Variants in HOMER2 observed in about 807,000 individuals in gnomAD.
HOMER2 encodes homer scaffold protein 2, also known as homer protein homolog 2.
HOMER2 carries 27 observed loss-of-function variants against 47.0 expected under a neutral mutation model. That is an observed-to-expected ratio of 0.57 (90% CI 0.42 to 0.79). The LOEUF (loss-of-function observed/expected upper bound fraction) is 0.79. HOMER2 is among the 30% of genes least tolerant of loss of function. The pLI is 0.00. For synonymous variants in HOMER2, 161 were observed against 163.8 expected, an observed-to-expected ratio of 0.98 and a Z score of 0.13; for missense variants, 443 against 435.0, an observed-to-expected ratio of 1.02 and a Z score of -0.16.
At chr15:82,901,241 A>G (rs2053105889) in intron 1 of HOMER2, among the ~76,000 whole-genome samples, 1 of 152,202 alleles carries the variant, frequency 6.6e-6, no homozygotes, top group African/African-American at 2.4e-5. Flanking sequence ...CTGGACAGCC[A>G]GGAGGGAGAC....
chr15:82,932,961 G>C (rs2054052657), intron 1 of HOMER2, among the ~76,000 whole-genome samples: 1 of 152,042 alleles, frequency 6.6e-6, no homozygotes, highest in Non-Finnish European at 1.5e-5. Flanking sequence ...CATAGAGCAA[G>C]CTCCCCACCA....
chr15:82,927,973 C>CA (rs928406358), intron 1 of HOMER2, among the ~76,000 whole-genome samples: 2,088 of 56,846 alleles, frequency 0.037, 41 homozygotes, highest in African/African-American at 0.064. Flanking sequence ...AACTCCGTCT[C>CA]AAAAAAAAAA....
chr15:82,944,277 T>C (rs1277637972), intron 1 of HOMER2, among the ~76,000 whole-genome samples: 1 of 152,160 alleles, frequency 6.6e-6, no homozygotes, highest in Non-Finnish European at 1.5e-5. Flanking sequence ...GGAAACTGGA[T>C]CATGATGCCA....
At chr15:82,893,067 C>T (rs1452506308) in intron 1 of HOMER2, among the ~76,000 whole-genome samples, 1 of 152,150 alleles carries the variant, frequency 6.6e-6, no homozygotes, top group Non-Finnish European at 1.5e-5. Context: ...GACTGCAGGG[C>T]AATTGGTGTA....
intron 2 of HOMER2, among the ~76,000 whole-genome samples, chr15:82,877,759 T>C (rs1270693858): frequency 6.6e-6 from 1 of 152,186 alleles, no homozygotes; most frequent in Non-Finnish European, 1.5e-5. Flanking sequence ...TTTTACCAAA[T>C]GTTTTCCATC....
chr15:82,973,897 C>G lies in HOMER2; in HGVS notation n.82+11890G>C, dbSNP rs568490254. ...CGTGGTCAACATGCTGAAACACTGTCTCTACTAAAAATACAAAAATTAGCC... is the reference window on the plus strand; with the variant it reads ...CGTGGTCAACATGCTGAAACACTGTGTCTACTAAAAATACAAAAATTAGCC... On this transcript the variant is annotated intron_variant and non_coding_transcript_variant, in intron 1 of 1. Transcript: ENST00000500334. 5.9e-5 allele frequency among the ~76,000 whole-genome samples: 9 copies of G among 152,184 alleles called. 1 individual carries two copies. The South Asian group carries it at 1.7e-3, about 28-fold the overall frequency.
chr15:82,864,689 T>G lies in HOMER2; in HGVS notation c.295-430A>C, dbSNP rs981992810. Among the ~76,000 whole-genome samples the G allele has an allele frequency of 7.9e-5, 12 of 152,184 alleles. 1 individual carries two copies. The highest frequency in any genetic ancestry group is 7.2e-4 in the Admixed American group (11 of 15,276). On this transcript the variant is annotated intron_variant, in intron 3 of 8. Coordinates refer to ENST00000450735, the MANE Select transcript of HOMER2 (RefSeq NM_004839.4). ...AGTACTTCAAAAACAATAAAAGAGATGAAGAAATGTGGTAAAATGTTAACA... is the reference window on the plus strand; with the variant it reads ...AGTACTTCAAAAACAATAAAAGAGAGGAAGAAATGTGGTAAAATGTTAACA...
intron 1 of HOMER2, among the ~76,000 whole-genome samples, chr15:82,935,881 C>G (rs1466485031): frequency 4.6e-5 from 7 of 152,184 alleles, no homozygotes; most frequent in South Asian, 4.1e-4. Context: ...CAACTGTTGT[C>G]CCCTTCCACT....
upstream of HOMER2, among the ~76,000 whole-genome samples, chr15:82,957,360 C>T (rs931122532): frequency 6.6e-6 from 1 of 151,644 alleles, no homozygotes. Context: ...ATCTTCAATA[C>T]ATTACAGGTA....
upstream of HOMER2, among the ~76,000 whole-genome samples, chr15:82,955,804 T>C (rs999211291): frequency 6.6e-6 from 1 of 152,240 alleles, no homozygotes; most frequent in African/African-American, 2.4e-5. Context: ...ACAGACGTCC[T>C]TCTGTCATAG....
At chr15:82,861,267 C>T (rs11852370) in intron 4 of HOMER2, among the ~76,000 whole-genome samples, 6,931 of 152,236 alleles carry the variant, frequency 0.046, 500 homozygotes, top group African/African-American at 0.16. Context: ...CAAGAACATT[C>T]ATCACAGTGT....
At chr15:82,912,265 G>A (rs1469390720) in intron 1 of HOMER2, among the ~76,000 whole-genome samples, 1 of 151,992 alleles carries the variant, frequency 6.6e-6, no homozygotes, top group African/African-American at 2.4e-5. Context: ...CCAGCCCCTA[G>A]CAACCACTAA....
downstream of HOMER2, among the ~76,000 whole-genome samples, chr15:82,836,659 G>A (rs1380598886): frequency 1.3e-5 from 2 of 152,226 alleles, no homozygotes; most frequent in East Asian, 3.8e-4. Flanking sequence ...TCCTAGTACA[G>A]CCAATCCTAT....
At chr15:82,877,922 G>A (rs2052400943) in intron 2 of HOMER2, among the ~76,000 whole-genome samples, 1 of 152,030 alleles carries the variant, frequency 6.6e-6, no homozygotes, top group African/African-American at 2.4e-5. Flanking sequence ...GAGGGTGGGG[G>A]GATTCTGGCT....
At chr15:82,863,377 T>C (rs2051857333) in intron 4 of HOMER2, among the ~76,000 whole-genome samples, 1 of 152,122 alleles carries the variant, frequency 6.6e-6, no homozygotes, top group African/African-American at 2.4e-5. Flanking sequence ...ATTAAACAAG[T>C]AGCTAATAAA....
At chr15:82,938,875 C>A (rs952082526) in intron 1 of HOMER2, among the ~76,000 whole-genome samples, 4 of 152,202 alleles carry the variant, frequency 2.6e-5, no homozygotes, top group African/African-American at 9.6e-5. Flanking sequence ...TTTCAGCCTC[C>A]TCTCCCCTGG....
At chr15:82,961,071 C>A (rs2054627048) in intron 1 of HOMER2, among the ~76,000 whole-genome samples, 1 of 152,236 alleles carries the variant, frequency 6.6e-6, no homozygotes, top group South Asian at 2.1e-4. Context: ...AATGAGCAGA[C>A]CAGTGAGGTG....
At position 82,952,671 on chromosome 15, in the gene HOMER2, G is replaced by C. The variant is rs1240560065; in HGVS notation, c.-136C>G. 1.0e-6 allele frequency: 1 copy of C among 995,056 alleles called. No homozygotes were observed. Among genetic ancestry groups the C allele is most frequent in the South Asian group, 4.6e-5 (1 of 21,950 alleles). 61.6% of individuals were successfully genotyped at this position (995,056 alleles called of 1,614,324 possible). ...CAGCCCCGGCGCCGCTCCATTCCGC[G>C]GGGCTGCGCGGCTGCCACTGCTGCC... On this transcript the variant is annotated 5_prime_UTR_variant, in exon 1 of 9. Coordinates refer to ENST00000450735, the MANE Select transcript of HOMER2 (RefSeq NM_004839.4).
intron 2 of HOMER2, among the ~76,000 whole-genome samples, chr15:82,879,883 A>T (rs1260140817): frequency 6.6e-6 from 1 of 152,266 alleles, no homozygotes; most frequent in Non-Finnish European, 1.5e-5. Context: ...ATGGATAAAT[A>T]CACTGCAGTA....
Sources: allele counts gnomAD v4.1 joint callset (sites outside exome capture counted in the v4.1 genomes callset), GRCh38; gene constraint gnomAD v4.1.1; transcripts MANE v1.5; gene names NCBI Gene and HGNC (gene_info 2026-07-23, HGNC 2026-07-21).